KIF3C: variants seen among roughly 807,000 people sequenced by gnomAD.
KIF3C encodes the protein kinesin family member 3C, also known as kinesin-like protein KIF3C.
Under a neutral mutation model 67.7 loss-of-function variants are expected in KIF3C, and 12 were observed. The observed-to-expected ratio is 0.18, with a 90% confidence interval of 0.11 to 0.29. The LOEUF (loss-of-function observed/expected upper bound fraction) is 0.29, where lower values mean the gene tolerates loss of function less well. KIF3C is among the 10% of genes least tolerant of loss of function. KIF3C has a pLI of 1.00. For missense variants in KIF3C, 789 were observed against 1,059.6 expected, an observed-to-expected ratio of 0.74 and a Z score of 3.55; for synonymous variants, 393 against 426.2, an observed-to-expected ratio of 0.92 and a Z score of 0.96.
chr2:25,961,267 A>G (rs1663936889), intron 1 of KIF3C, among the ~76,000 whole-genome samples: 3 of 152,212 alleles, frequency 2.0e-5, no homozygotes, highest in Admixed American at 2.0e-4. Flanking sequence ...AGGGGAAGTG[A>G]ACTAGGGAAA....
At chr2:25,943,564 C>T (rs1437807132) in intron 5 of KIF3C, among the ~76,000 whole-genome samples, 1 of 152,152 alleles carries the variant, frequency 6.6e-6, no homozygotes, top group Non-Finnish European at 1.5e-5. Flanking sequence ...CTAGAACTGG[C>T]CGGGCACGGT....
At chr2:25,948,264 G>A (rs1383370490) in intron 5 of KIF3C, among the ~76,000 whole-genome samples, 1 of 151,938 alleles carries the variant, frequency 6.6e-6, no homozygotes, top group Non-Finnish European at 1.5e-5. Context: ...AATAAGGAGG[G>A]GAAGTCCAGG....
intron 5 of KIF3C, among the ~76,000 whole-genome samples, chr2:25,937,369 T>C (rs1663155686): frequency 6.6e-6 from 1 of 152,202 alleles, no homozygotes. Context: ...ACCCCATTAG[T>C]GGTCCCTGCT....
At chr2:25,959,710 G>C (rs144848709) in intron 1 of KIF3C, among the ~76,000 whole-genome samples, 2 of 152,126 alleles carry the variant, frequency 1.3e-5, no homozygotes, top group African/African-American at 4.8e-5. Flanking sequence ...AAAGTGCTGG[G>C]ATTACAGGTG....
chr2:25,979,707 C>T (rs569340046), intron 1 of KIF3C, among the ~76,000 whole-genome samples: 3 of 152,166 alleles, frequency 2.0e-5, no homozygotes, highest in Non-Finnish European at 4.4e-5. Flanking sequence ...TCCCAGGGAG[C>T]AGAATCTGTT....
At chr2:25,938,257 G>T (rs1367347400) in intron 5 of KIF3C, 3 of 452,382 alleles carry the variant, frequency 6.6e-6, no homozygotes, top group Non-Finnish European at 1.3e-5. Flanking sequence ...CTACTGAGGA[G>T]GTTACTCAGA....
At chr2:25,940,908 C>T (rs574873651) in intron 5 of KIF3C, among the ~76,000 whole-genome samples, 8 of 152,164 alleles carry the variant, frequency 5.3e-5, no homozygotes, top group African/African-American at 1.4e-4. Flanking sequence ...CCGTCTCAGC[C>T]TCCCAAAGTG....
In KIF3C at chr2:25,927,519, G is replaced by A. The variant is rs1161547623; in HGVS notation, c.*1459C>T. ...AGACCCAAGCTTGATCCTCAGAGCAGAACTTGAATGATGTAAGAAGGGTTC... is the reference window on the plus strand; with the variant it reads ...AGACCCAAGCTTGATCCTCAGAGCAAAACTTGAATGATGTAAGAAGGGTTC... On this transcript the variant is annotated 3_prime_UTR_variant, in exon 8 of 8. Transcript: ENST00000264712. The A allele has an allele frequency of 6.6e-6, 1 of 152,182 alleles. No homozygotes were observed. The highest frequency in any genetic ancestry group is 2.4e-5 in the African/African-American group (1 of 41,448). 9.4% of individuals were successfully genotyped at this position (152,182 alleles called of 1,614,324 possible).
rs199920144 is a variant in KIF3C at position 25,980,333 on chromosome 2, C to A, written c.1545+40G>T. 2.0e-5 allele frequency: 30 copies of A among 1,514,174 alleles called. No homozygotes were observed. Among genetic ancestry groups the A allele is most frequent in the Non-Finnish European group, 4.5e-6 (5 of 1,106,778 alleles). The allele number at this position is 1,514,174 out of a possible 1,614,324, so 93.8% of individuals were successfully genotyped here. A position where few individuals can be genotyped will look rare whatever the true frequency, so the allele number is the denominator to read the frequency against. ...AGAGCCTCCTTGCCGGGATCCCCTGCGGGGACATCTCGAGTGCCCAGCTCC... is the reference window on the plus strand; with the variant it reads ...AGAGCCTCCTTGCCGGGATCCCCTGAGGGGACATCTCGAGTGCCCAGCTCC... On this transcript the variant is annotated intron_variant, in intron 1 of 7. Coordinates refer to ENST00000264712, the MANE Select transcript of KIF3C (RefSeq NM_002254.8). The surrounding 1 kb of genome is among the most constrained non-coding windows in gnomAD (Gnocchi z 7.6).
intron 5 of KIF3C, among the ~76,000 whole-genome samples, chr2:25,945,497 G>T (rs1391093396): frequency 4.0e-5 from 6 of 149,422 alleles, no homozygotes; most frequent in Non-Finnish European, 7.4e-5. Context: ...AACCCAGGAG[G>T]CGGAGGGTGC....
chr2:25,977,769 T>C (rs1205790501), intron 1 of KIF3C, among the ~76,000 whole-genome samples: 5 of 152,186 alleles, frequency 3.3e-5, no homozygotes, highest in African/African-American at 9.7e-5. Context: ...CTTTACCCTG[T>C]AGATTCCTCA....
intron 1 of KIF3C, among the ~76,000 whole-genome samples, chr2:25,971,310 C>T (rs1218292467): frequency 1.0e-4 from 15 of 148,898 alleles, no homozygotes; most frequent in South Asian, 4.3e-4. Flanking sequence ...CGTGGTGGCG[C>T]GCACCTGTAG....
intron 5 of KIF3C, among the ~76,000 whole-genome samples, chr2:25,930,895 AAGCTG>A (rs527816212): frequency 9.4e-4 from 143 of 152,118 alleles, no homozygotes; most frequent in Non-Finnish European, 1.8e-3. Flanking sequence ...CACGTTGGCC[AAGCTG>A]GTCTCGAACT....
chr2:25,929,556 A>T, intron 6 of KIF3C, 79 bp from the exon 7 acceptor site: 1 of 1,282,018 alleles, frequency 7.8e-7, no homozygotes, highest in South Asian at 1.2e-5. Context: ...TCTTGGGTGT[A>T]GCAGGGCTGA....
At chr2:25,950,548 A>C (rs1309784170) in intron 5 of KIF3C, among the ~76,000 whole-genome samples, 1 of 152,098 alleles carries the variant, frequency 6.6e-6, no homozygotes, top group Non-Finnish European at 1.5e-5. Context: ...AGCATAAGAT[A>C]ACCCTTCAGA....
At position 25,976,025 on chromosome 2, in the gene KIF3C, C is replaced by T. The variant is rs537501876; in HGVS notation, c.1545+4348G>A. ...GCTCATGTGGAATAAACGAGATAAT[C>T]TGTATATAGGATAGCACTTGGCACA... On this transcript the variant is annotated intron_variant, in intron 1 of 7. Coordinates refer to ENST00000264712, the MANE Select transcript of KIF3C (RefSeq NM_002254.8). 3.3e-5 allele frequency among the ~76,000 whole-genome samples: 5 copies of T among 152,148 alleles called. No homozygotes were observed. The South Asian group carries it at 1.0e-3, about 32-fold the overall frequency.
intron 1 of KIF3C, among the ~76,000 whole-genome samples, chr2:25,963,971 G>A (rs1202416688): frequency 1.3e-5 from 2 of 152,048 alleles, no homozygotes; most frequent in Non-Finnish European, 2.9e-5. Flanking sequence ...GATTACAGGC[G>A]TGAGCCACCA....
Position 25,982,232 on chromosome 2 carries a change from C to G in KIF3C, c.-315G>C, listed in dbSNP as rs1019115356. The G allele has an allele frequency of 4.8e-6, 2 of 418,988 alleles. No homozygotes were observed. The highest frequency in any genetic ancestry group is 8.4e-6 in the Non-Finnish European group (2 of 238,480). 26.0% of individuals were successfully genotyped at this position (418,988 alleles called of 1,614,324 possible). On this transcript the variant is annotated 5_prime_UTR_variant, in exon 1 of 8. Coordinates refer to ENST00000264712, the MANE Select transcript of KIF3C (RefSeq NM_002254.8). ...CATGCAGGAGCAGAGGGAGCGCTGC[C>G]GTAAACAGCTTCGGCAACAATGAGA...
At chr2:25,961,947 CAA>C (rs201677055) in intron 1 of KIF3C, among the ~76,000 whole-genome samples, 43 of 92,412 alleles carry the variant, frequency 4.7e-4, no homozygotes, top group Admixed American at 1.2e-3. Flanking sequence ...GACTCCATCT[CAA>C]AAAAAAAAAA....
Sources: gnomAD v4.1 joint callset for allele counts (sites outside exome capture counted in the v4.1 genomes callset) on GRCh38, gnomAD v4.1.1 for gene constraint, Gnocchi (gnomAD v3.1) non-coding constraint, MANE v1.5 for transcripts, NCBI Gene and HGNC (gene_info 2026-07-23, HGNC 2026-07-21) for gene names.